Variants in KIF26B observed in about 807,000 individuals in gnomAD.
KIF26B encodes kinesin-like protein KIF26B.
Under a neutral mutation model 151.2 loss-of-function variants are expected in KIF26B, and 63 were observed. The ratio of observed to expected loss-of-function variants is 0.42; its 90% confidence interval spans 0.34 to 0.51. The LOEUF (loss-of-function observed/expected upper bound fraction) is 0.51, where lower values mean the gene tolerates loss of function less well. Ranked by LOEUF, KIF26B falls within the 20% of genes least tolerant of loss-of-function variation. The probability of loss-of-function intolerance (pLI) is 0.07; values close to 1 mark genes in which losing one functional copy is unlikely to be tolerated. For missense variants in KIF26B, 2,813 were observed against 2,913.6 expected, an observed-to-expected ratio of 0.97 and a Z score of 0.79; for synonymous variants, 1,357 against 1,262.1, an observed-to-expected ratio of 1.08 and a Z score of -1.59.
chr1:245,686,600 G>A lies in KIF26B; in HGVS notation c.3617G>A (p.Arg1206His), dbSNP rs762220536. ...ATCAGCGGGGTCCTGGACAGCGGCC[G>A]CCCCACCAGCATCATCAGCTTCAAC... ...LTISGVLDSG[R>H]PTSIISFNSD... The change falls in exon 12 of 15, where the codon CGC (arginine) becomes CAC (histidine). Residue 1206 changes from arginine to histidine, a missense_variant. Coordinates refer to ENST00000407071, the MANE Select transcript of KIF26B (RefSeq NM_018012.4). This position sits in a 1 kb window ranked among gnomAD's most constrained non-coding sequence, Gnocchi z 5.6. The A allele has an allele frequency of 8.1e-6, 13 of 1,611,014 alleles. No homozygotes were observed. The highest frequency in any genetic ancestry group is 1.7e-5 in the Admixed American group (1 of 59,722).
At position 245,698,263 on chromosome 1, in the gene KIF26B, C is replaced by T. The variant is rs7530669; in HGVS notation, c.5982C>T (p.Ile1994=). Residue 1994 remains isoleucine, a synonymous_variant, in exon 13 of 15, where the codon ATC becomes ATT. Coordinates refer to ENST00000407071, the MANE Select transcript of KIF26B (RefSeq NM_018012.4). This position sits in a 1 kb window ranked among gnomAD's most constrained non-coding sequence, Gnocchi z 4.0. ...CCTTTGAGATTAAAGTCTATGAAAT[C>T]GATGACGTGGAGCGCCTGCAGCGGC... ...GEPFEIKVYE[I]DDVERLQRRR... 10,459 of 1,613,788 alleles carry T rather than the reference C, an allele frequency of 6.5e-3. 447 individuals are homozygous for T. In the African/African-American group the frequency reaches 0.11, roughly 16 times the overall value.
intron 2 of KIF26B, among the ~76,000 whole-genome samples, chr1:245,269,373 A>AT (rs919207555): frequency 3.7e-4 from 56 of 150,936 alleles, no homozygotes; most frequent in African/African-American, 1.2e-3. Context: ...TCTAAATAGA[A>AT]TCACACAGTA....
Position 245,304,714 on chromosome 1 carries a change from C to T in KIF26B, c.466-62120C>T, listed in dbSNP as rs542244840. Among the ~76,000 whole-genome samples the T allele has an allele frequency of 5.3e-5, 8 of 152,226 alleles. No homozygotes were observed. The East Asian group carries it at 1.5e-3, about 29-fold the overall frequency. Reference sequence around the variant, plus strand: ...ACGTCCATCCCTCCATCCATCCATCCATCCATCCATCCGTCTACCTACATG... The same window carrying T: ...ACGTCCATCCCTCCATCCATCCATCTATCCATCCATCCGTCTACCTACATG... On this transcript the variant is annotated intron_variant, in intron 2 of 14. Coordinates refer to ENST00000407071, the MANE Select transcript of KIF26B (RefSeq NM_018012.4).
At chr1:245,538,504 G>T (rs1040889109) in intron 4 of KIF26B, among the ~76,000 whole-genome samples, 2 of 151,944 alleles carry the variant, frequency 1.3e-5, no homozygotes, top group South Asian at 2.1e-4. Flanking sequence ...AGGGATCCTC[G>T]CTTTTCTCCT....
intron 2 of KIF26B, among the ~76,000 whole-genome samples, chr1:245,357,071 G>C (rs758059166): frequency 9.2e-5 from 14 of 152,184 alleles, no homozygotes; most frequent in Non-Finnish European, 1.9e-4. Context: ...GCTGGTTCAG[G>C]CTGAGTCAGG....
intron 2 of KIF26B, among the ~76,000 whole-genome samples, chr1:245,175,901 CAT>C (rs1435075155): frequency 2.0e-5 from 3 of 147,616 alleles, no homozygotes; most frequent in African/African-American, 7.6e-5. Flanking sequence ...CTTCTCAAAA[CAT>C]ATATATCTAT....
intron 4 of KIF26B, among the ~76,000 whole-genome samples, chr1:245,449,083 C>T (rs1406564346): frequency 1.3e-5 from 2 of 152,170 alleles, no homozygotes; most frequent in Non-Finnish European, 2.9e-5. Flanking sequence ...TTCTGGCCTG[C>T]GAGTTCAGAA....
intron 2 of KIF26B, among the ~76,000 whole-genome samples, chr1:245,230,111 C>T (rs1035825730): frequency 6.8e-5 from 10 of 146,606 alleles, no homozygotes; most frequent in African/African-American, 1.8e-4. Flanking sequence ...CCAGCCTGGG[C>T]GATAGAGCGA....
rs143388595 is a variant in KIF26B, at chr1:245,701,113, T to C, written c.6179-1345T>C. Among the ~76,000 whole-genome samples the C allele has an allele frequency of 9.7e-4, 148 of 152,334 alleles. No individual in the cohort carries two copies. The Middle Eastern group carries it at 0.02, about 21-fold the overall frequency. On this transcript the variant is annotated intron_variant, in intron 14 of 14. Coordinates refer to ENST00000407071, the MANE Select transcript of KIF26B (RefSeq NM_018012.4). ...GTGTTTAGATGCTTCCAGGAAACAATTGCTTCCTTCTAGTCTTTGTACATG... is the reference window on the plus strand; with the variant it reads ...GTGTTTAGATGCTTCCAGGAAACAACTGCTTCCTTCTAGTCTTTGTACATG...
chr1:245,614,775 T>C (rs1381328553), intron 9 of KIF26B: 1 of 152,264 alleles, frequency 6.6e-6, no homozygotes, highest in African/African-American at 2.4e-5. Flanking sequence ...CGGGAATCTC[T>C]CGGGAGATGT....
chr1:245,609,423 G>T lies in KIF26B; in HGVS notation c.1809G>T (p.Lys603Asn), dbSNP rs1340616085. 1.9e-6 allele frequency: 3 copies of T among 1,608,872 alleles called. No individual in the cohort carries two copies. The highest frequency in any genetic ancestry group is 1.7e-5 in the Admixed American group (1 of 59,288). The change falls in exon 8 of 15, where the codon AAG becomes AAT. Residue 603 changes from lysine (K) to asparagine (N), a missense_variant. Around this residue, in one of 3 missense-constraint regions of KIF26B, gnomAD observed 77 missense variants for 136.9 expected, o/e 0.56. Coordinates refer to ENST00000407071, the MANE Select transcript of KIF26B (RefSeq NM_018012.4). Reference sequence around the variant, plus strand: ...TTTCCGCCGTGGAAGTGTGGGGGAAGGAGGAGAACCTGCGGGACCTGCTGT... The same window carrying T: ...TTTCCGCCGTGGAAGTGTGGGGGAATGAGGAGAACCTGCGGGACCTGCTGT... ...VRVSAVEVWG[K>N]EENLRDLLSE... is the part of the protein sequence containing the mutation.
chr1:245,371,704 G>A (rs1673132687), intron 3 of KIF26B: 1 of 152,218 alleles, frequency 6.6e-6, no homozygotes, highest in South Asian at 2.1e-4. Context: ...AATCTCCAAA[G>A]GTTGCAGTAG....
At chr1:245,212,756 A>C (rs1669565770) in intron 2 of KIF26B, among the ~76,000 whole-genome samples, 2 of 152,210 alleles carry the variant, frequency 1.3e-5, no homozygotes, top group South Asian at 4.1e-4. Flanking sequence ...GTGTGCTCGA[A>C]CCGCCCCACT....
At chr1:245,471,009 G>A (rs1174169461) in intron 4 of KIF26B, among the ~76,000 whole-genome samples, 1 of 152,012 alleles carries the variant, frequency 6.6e-6, no homozygotes, top group Non-Finnish European at 1.5e-5. Context: ...TTTCTAGAGA[G>A]CCAAAGCCAT....
rs552848232 is a variant in KIF26B at position 245,681,354 on chromosome 1, T to C, written c.2259-2879T>C. Among the ~76,000 whole-genome samples the C allele has an allele frequency of 4.6e-3, 705 of 152,018 alleles. 1 individual carries two copies. The highest frequency in any genetic ancestry group is 7.7e-3 in the Non-Finnish European group (524 of 67,968). Reference sequence around the variant, plus strand: ...CCTCCTGAGTAGCTGGGAATACAGGTGCCCGCCACCACGCCCAGCTAATTT... The same window carrying C: ...CCTCCTGAGTAGCTGGGAATACAGGCGCCCGCCACCACGCCCAGCTAATTT... On this transcript the variant is annotated intron_variant, in intron 10 of 14. Coordinates refer to ENST00000407071, the MANE Select transcript of KIF26B (RefSeq NM_018012.4).
intron 2 of KIF26B, among the ~76,000 whole-genome samples, chr1:245,354,511 C>CG (rs1382520201): frequency 3.9e-5 from 6 of 152,212 alleles, no homozygotes; most frequent in Non-Finnish European, 5.9e-5. Flanking sequence ...ACACTGTCAG[C>CG]GGCGCCTCTG....
chr1:245,330,949 G>A (rs1672096855), intron 2 of KIF26B, among the ~76,000 whole-genome samples: 1 of 151,928 alleles, frequency 6.6e-6, no homozygotes, highest in Admixed American at 6.6e-5. Flanking sequence ...CGCAGAGAGA[G>A]AGCCCACGTA....
intron 5 of KIF26B, among the ~76,000 whole-genome samples, chr1:245,546,439 G>A (rs111402518): frequency 0.019 from 2,940 of 152,274 alleles, 112 homozygotes; most frequent in African/African-American, 0.066. Flanking sequence ...AGGAGGTGAT[G>A]CCGGGGAAAA....
intron 3 of KIF26B, among the ~76,000 whole-genome samples, chr1:245,417,631 C>T (rs1269772501): frequency 6.6e-6 from 1 of 152,232 alleles, no homozygotes; most frequent in Non-Finnish European, 1.5e-5. Flanking sequence ...ACAAGATAGC[C>T]AATAGCTTTC....
Sources: allele counts gnomAD v4.1 joint callset (sites outside exome capture counted in the v4.1 genomes callset), GRCh38; gene constraint gnomAD v4.1.1; regional missense constraint gnomAD v4.1.1; non-coding constraint Gnocchi (gnomAD v3.1); transcripts MANE v1.5; gene names NCBI Gene and HGNC (gene_info 2026-07-23, HGNC 2026-07-21).